Variants in MCM10 observed in about 807,000 individuals in gnomAD.
MCM10 encodes minichromosome maintenance 10 replication initiation factor, also known as protein MCM10 homolog.
MCM10 carries 91 observed loss-of-function variants against 109.9 expected under a neutral mutation model. That is an observed-to-expected ratio of 0.83 (90% CI 0.70 to 0.99). The LOEUF (loss-of-function observed/expected upper bound fraction) is 0.99, where lower values mean the gene tolerates loss of function less well. Among genes scored for constraint, MCM10 ranks in the 50% least tolerant of loss-of-function variants. MCM10 has a pLI of 0.00. For synonymous variants in MCM10, 380 were observed against 387.2 expected, an observed-to-expected ratio of 0.98 and a Z score of 0.22; for missense variants, 1,077 against 1,061.2, an observed-to-expected ratio of 1.01 and a Z score of -0.21.
At chr10:13,170,754 T>C (rs1410765583) in intron 2 of MCM10, among the ~76,000 whole-genome samples, 168 bp from the exon 3 acceptor site, 2 of 152,232 alleles carry the variant, frequency 1.3e-5, no homozygotes, top group Admixed American at 6.5e-5. Flanking sequence ...GATGTATATA[T>C]AGTGTGATGC....
Position 13,201,571 on chromosome 10 carries a change from C to T in MCM10, c.2352+37C>T, listed in dbSNP as rs766778812. ...TGGGGGCTGCAGCAACCCATGGGCC[C>T]TGTGTGGTGCTTTTGTGACTCGGCA... is the stretch of plus-strand genomic sequence containing the variant. On this transcript the variant is annotated intron_variant, in intron 17 of 19. Transcript: ENST00000378714. 4.1e-6 allele frequency: 6 copies of T among 1,462,776 alleles called. No homozygotes were observed. In the African/African-American group the frequency reaches 8.4e-5, roughly 21 times the overall value. The allele number at this position is 1,462,776 out of a possible 1,614,324, so 90.6% of individuals were successfully genotyped here.
chr10:13,210,467 G>C lies in MCM10; in HGVS notation c.*1157G>C, dbSNP rs543055013. The C allele has an allele frequency of 2.0e-5, 3 of 152,312 alleles. No individual in the cohort carries two copies. Among genetic ancestry groups the C allele is most frequent in the African/African-American group, 7.2e-5 (3 of 41,578 alleles). The allele number at this position is 152,312 out of a possible 1,614,324, so 9.4% of individuals were successfully genotyped here. ...TAGCTAAAGATTGGGTAAATTGGTT[G>C]AATTATTGTATTGAAGCTTGAGCTG... On this transcript the variant is annotated 3_prime_UTR_variant, in exon 20 of 20. Coordinates refer to ENST00000378714, the MANE Select transcript of MCM10 (RefSeq NM_018518.5).
chr10:13,166,653 C>CATAT (rs1355743693), intron 2 of MCM10, among the ~76,000 whole-genome samples: 50 of 45,522 alleles, frequency 1.1e-3, no homozygotes, highest in African/African-American at 3.8e-3. Flanking sequence ...AAAAAAAATA[C>CATAT]ATACATACAT....
intron 14 of MCM10, chr10:13,195,555 T>C (rs550572247): frequency 5.1e-6 from 1 of 195,556 alleles, no homozygotes; most frequent in African/African-American, 2.3e-5. Flanking sequence ...GACTGTAAAA[T>C]GGTGGTTTAA....
intron 1 of MCM10, among the ~76,000 whole-genome samples, chr10:13,163,738 C>T (rs1013018113): frequency 1.8e-4 from 27 of 152,078 alleles, no homozygotes; most frequent in African/African-American, 5.8e-4. Context: ...TGCTATGTGA[C>T]CAGGCTGGTC....
At position 13,192,132 on chromosome 10, in the gene MCM10, G is replaced by T. The variant is rs139098036; in HGVS notation, c.1517-123G>T. The T allele has an allele frequency of 5.0e-4, 314 of 622,138 alleles. No homozygotes were observed. The African/African-American group carries it at 5.2e-3, about 10-fold the overall frequency. The allele number at this position is 622,138 out of a possible 1,614,324, so 38.5% of individuals were successfully genotyped here. A position where few individuals can be genotyped will look rare whatever the true frequency, so the allele number is the denominator to read the frequency against. ...TAAGGATTCTTTTCTTTCCTCTTGG[G>T]ATTCCGTCTTCTTCGTTTACGTATG... On this transcript the variant is annotated intron_variant, in intron 11 of 19. Coordinates refer to ENST00000378714, the MANE Select transcript of MCM10 (RefSeq NM_018518.5).
At chr10:13,175,752 G>A (rs1834134541) in intron 6 of MCM10, 71 bp downstream of exon 6, 4 of 1,096,146 alleles carry the variant, frequency 3.6e-6, no homozygotes, top group Non-Finnish European at 5.3e-6. Context: ...TCCTTTAGAA[G>A]TAGTGTGTTT....
intron 6 of MCM10, among the ~76,000 whole-genome samples, chr10:13,179,487 T>C (rs1588469814): frequency 6.6e-6 from 1 of 152,218 alleles, no homozygotes; most frequent in South Asian, 2.1e-4. Flanking sequence ...GTGTTTTGCT[T>C]CCTGAATATT....
chr10:13,209,387 T>C lies in MCM10; in HGVS notation c.*77T>C. ...AAAGCAAAGGATTGGCTGTGTATTG[T>C]CCATTGATTCCTGATTGACGCCGTC... On this transcript the variant is annotated 3_prime_UTR_variant, in exon 20 of 20. Coordinates refer to ENST00000378714, the MANE Select transcript of MCM10 (RefSeq NM_018518.5). 1 of 1,106,700 alleles carries C rather than the reference T, an allele frequency of 9.0e-7. No homozygotes were observed. The highest frequency in any genetic ancestry group is 1.4e-6 in the Non-Finnish European group (1 of 736,900). 68.6% of individuals were successfully genotyped at this position (1,106,700 alleles called of 1,614,324 possible). A position where few individuals can be genotyped will look rare whatever the true frequency, so the allele number is the denominator to read the frequency against.
At chr10:13,189,938 A>G (rs1021279664) in intron 10 of MCM10, among the ~76,000 whole-genome samples, 26 of 152,164 alleles carry the variant, frequency 1.7e-4, no homozygotes, top group Non-Finnish European at 2.8e-4. Flanking sequence ...TGGACTACAC[A>G]TAAAATATAT....
intron 18 of MCM10, 128 bp downstream of exon 18, chr10:13,204,492 T>C: frequency 8.3e-7 from 1 of 1,198,924 alleles, no homozygotes; most frequent in Non-Finnish European, 1.2e-6. Context: ...CAGGCTACCC[T>C]TGGGACTCAA....
intron 17 of MCM10, among the ~76,000 whole-genome samples, chr10:13,203,872 C>T (rs984876857): frequency 6.6e-6 from 1 of 152,204 alleles, no homozygotes; most frequent in African/African-American, 2.4e-5. Flanking sequence ...GCCGTAATGA[C>T]TCTAGCACAG....
At chr10:13,170,358 T>A (rs1834053635) in intron 2 of MCM10, among the ~76,000 whole-genome samples, 1 of 145,526 alleles carries the variant, frequency 6.9e-6, no homozygotes, top group Non-Finnish European at 1.6e-5. Flanking sequence ...TTTTATATAG[T>A]TTGTATCTTT....
chr10:13,186,621 C>T (rs745664835), intron 9 of MCM10, among the ~76,000 whole-genome samples: 9 of 152,110 alleles, frequency 5.9e-5, no homozygotes, highest in Non-Finnish European at 1.0e-4. Context: ...CTCCATTATA[C>T]CTTTTCTTAG....
intron 6 of MCM10, among the ~76,000 whole-genome samples, chr10:13,178,341 G>A (rs1439155807): frequency 2.0e-5 from 3 of 152,148 alleles, no homozygotes; most frequent in Non-Finnish European, 4.4e-5. Flanking sequence ...CACCTGCCTC[G>A]GCCTCCCAAA....
chr10:13,205,285 G>A (rs1377355663), intron 18 of MCM10, among the ~76,000 whole-genome samples: 1 of 151,950 alleles, frequency 6.6e-6, no homozygotes, highest in African/African-American at 2.4e-5. Flanking sequence ...TGCAGTATTT[G>A]GCTTTCTGTT....
chr10:13,194,987 A>G, intron 13 of MCM10, 54 bp from the exon 14 acceptor site: 1 of 1,538,648 alleles, frequency 6.5e-7, no homozygotes. Flanking sequence ...TGAGTTCTAG[A>G]GTTTTTATTT....
intron 3 of MCM10, 34 bp downstream of exon 3, chr10:13,171,297 G>C (rs372152477): frequency 3.3e-5 from 50 of 1,531,576 alleles, no homozygotes; most frequent in Non-Finnish European, 4.1e-5. Flanking sequence ...TATTTCTTTC[G>C]GATAAGTTGG....
rs1834399791 is a variant in MCM10 at position 13,195,159 on chromosome 10, A to G, written c.1864A>G (p.Thr622Ala). Reference sequence around the variant, plus strand: ...CCCCAGGCTGGAGGGAGCCCCGGCCACAATGACGCCCAAGCTGGGGCGAGG... The same window carrying G: ...CCCCAGGCTGGAGGGAGCCCCGGCCGCAATGACGCCCAAGCTGGGGCGAGG... ...EFPRLEGAPA[T>A]MTPKLGRGVL... The change falls in exon 14 of 20, where the codon ACA becomes GCA. Residue 622 changes from threonine (T) to alanine (A), a missense_variant. Physicochemically the swap from Thr to Ala is moderately conservative, Grantham distance 58 (BLOSUM62 0). Transcript: ENST00000378714. 6.2e-7 allele frequency: 1 copy of G among 1,614,166 alleles called. No homozygotes were observed. Among genetic ancestry groups the G allele is most frequent in the Non-Finnish European group, 8.5e-7 (1 of 1,180,024 alleles).
Sources: gnomAD v4.1 joint callset for allele counts (sites outside exome capture counted in the v4.1 genomes callset) on GRCh38, gnomAD v4.1.1 for gene constraint, MANE v1.5 for transcripts, NCBI Gene and HGNC (gene_info 2026-07-23, HGNC 2026-07-21) for gene names.